IFT52: variants seen among roughly 807,000 people sequenced by gnomAD.
IFT52 encodes intraflagellar transport 52.
Under a neutral mutation model 54.4 loss-of-function variants are expected in IFT52, and 44 were observed. The ratio of observed to expected loss-of-function variants is 0.81; its 90% CI spans 0.63 to 1.04. The LOEUF is 1.04. IFT52 is among the 50% of genes least tolerant of loss of function. The probability of loss-of-function intolerance (pLI) is 0.00; values close to 1 mark genes in which losing one functional copy is unlikely to be tolerated. For missense variants in IFT52, 452 were observed against 523.6 expected, an observed-to-expected ratio of 0.86 and a Z score of 1.33; for synonymous variants, 181 against 185.3, an observed-to-expected ratio of 0.98 and a Z score of 0.19.
intron 13 of IFT52, among the ~76,000 whole-genome samples, chr20:43,642,951 G>A (rs796671433): frequency 6.6e-6 from 1 of 152,052 alleles, no homozygotes; most frequent in Non-Finnish European, 1.5e-5. Context: ...CAGATCACCC[G>A]AGGTCAGGAG....
intron 1 of IFT52, among the ~76,000 whole-genome samples, chr20:43,592,354 T>A (rs867740702): frequency 1.8e-4 from 27 of 151,272 alleles, no homozygotes; most frequent in African/African-American, 5.3e-4. Context: ...AAAAAAGGAA[T>A]GAAGCCCATT....
At chr20:43,598,899 A>G (rs1376195112) in intron 3 of IFT52, among the ~76,000 whole-genome samples, 2 of 152,026 alleles carry the variant, frequency 1.3e-5, no homozygotes, top group African/African-American at 4.8e-5. Flanking sequence ...GGCAAGGCCA[A>G]TGTGGTCCTT....
At chr20:43,604,056 C>A in intron 4 of IFT52, 127 bp from the exon 5 acceptor site, 2 of 962,736 alleles carry the variant, frequency 2.1e-6, no homozygotes, top group Non-Finnish European at 1.6e-6. Context: ...TGGGCTGCTT[C>A]CATTTATAAA....
chr20:43,635,397 T>C (rs576926807), intron 10 of IFT52, among the ~76,000 whole-genome samples: 6 of 152,100 alleles, frequency 3.9e-5, no homozygotes, highest in African/African-American at 1.4e-4. Context: ...TTCAAGCGAT[T>C]TTCCTGCCTC....
intron 12 of IFT52, among the ~76,000 whole-genome samples, chr20:43,637,797 G>A (rs763559998): frequency 6.6e-6 from 1 of 152,178 alleles, no homozygotes. Context: ...AAAGGTCTCA[G>A]CTTTGATCCC....
intron 6 of IFT52, among the ~76,000 whole-genome samples, chr20:43,607,330 G>C (rs1276576843): frequency 1.3e-5 from 2 of 150,888 alleles, no homozygotes; most frequent in African/African-American, 4.9e-5. Flanking sequence ...CCTCCCTCCC[G>C]GACTGGGTGG....
chr20:43,611,366 C>A (rs1240418107), intron 6 of IFT52, among the ~76,000 whole-genome samples: 1 of 149,964 alleles, frequency 6.7e-6, no homozygotes, highest in Middle Eastern at 3.2e-3. Flanking sequence ...TAATCTTATT[C>A]ATTCACATGG....
intron 1 of IFT52, among the ~76,000 whole-genome samples, chr20:43,591,258 A>G (rs1981489541): frequency 6.6e-6 from 1 of 152,234 alleles, no homozygotes; most frequent in Admixed American, 6.5e-5. Flanking sequence ...CGGGTGGTGC[A>G]GGTGTTTAGT....
intron 8 of IFT52, among the ~76,000 whole-genome samples, chr20:43,619,653 G>A (rs535857712): frequency 1.3e-5 from 2 of 152,146 alleles, no homozygotes; most frequent in South Asian, 4.2e-4. Context: ...ACTACTCACT[G>A]ACTGATGTGG....
Position 43,613,953 on chromosome 20 carries a change from A to G in IFT52, c.589A>G (p.Ile197Val), listed in dbSNP as rs1983656370. 3.7e-6 allele frequency: 6 copies of G among 1,613,862 alleles called. No homozygotes were observed. Among genetic ancestry groups the G allele is most frequent in the South Asian group, 3.3e-5 (3 of 91,064 alleles). The change falls in exon 7 of 14, where the codon ATT becomes GTT. Residue 197 changes from isoleucine to valine, a missense_variant. Transcript: ENST00000373030. The part of the protein sequence containing the change: ...GSVCFPLNRP[I>V]LAFYHSKNQG... Reference sequence around the variant, plus strand: ...TGTCTGCTTCCCACTTAACAGACCCATTTTGGCTTTCTATCACTCAAAGGT... The same window carrying G: ...TGTCTGCTTCCCACTTAACAGACCCGTTTTGGCTTTCTATCACTCAAAGGT...
intron 7 of IFT52, 108 bp downstream of exon 7, chr20:43,614,084 C>T: frequency 1.1e-6 from 1 of 946,812 alleles, no homozygotes. Context: ...ACTGGTCTTC[C>T]TGCCAGTCCT....
At position 43,594,815 on chromosome 20, in the gene IFT52, G is replaced by T. The variant is rs202221752; in HGVS notation, c.117G>T (p.Gln39His). The change falls in exon 2 of 14, where the codon CAG becomes CAT. Residue 39 changes from glutamine to histidine, a missense_variant and splice_region_variant. Physicochemically the swap from Gln to His is conservative, Grantham distance 24 (BLOSUM62 0). Coordinates refer to ENST00000373030, the MANE Select transcript of IFT52 (RefSeq NM_016004.5). Reference protein sequence around the residue: ...QKKLRSNWKIQSLKDEITSEK... With the variant: ...QKKLRSNWKIHSLKDEITSEK... Reference sequence around the variant, plus strand: ...AACTTCGGAGTAATTGGAAGATTCAGAGGTGACTGACCATGTATATTGTTT... The same window carrying T: ...AACTTCGGAGTAATTGGAAGATTCATAGGTGACTGACCATGTATATTGTTT... 4.1e-6 allele frequency: 6 copies of T among 1,450,230 alleles called. No homozygotes were observed. In the East Asian group the frequency reaches 1.4e-4, roughly 33 times the overall value. 89.8% of individuals were successfully genotyped at this position (1,450,230 alleles called of 1,614,324 possible). A position where few individuals can be genotyped will look rare whatever the true frequency, so the allele number is the denominator to read the frequency against.
rs1340997195 is a variant in IFT52, at chr20:43,603,014, A to C, written c.208-746A>C. On this transcript the variant is annotated intron_variant, in intron 3 of 13. Coordinates refer to ENST00000373030, the MANE Select transcript of IFT52 (RefSeq NM_016004.5). Reference sequence around the variant, plus strand: ...ATTATAAAGTACATATTTTATATAGAGATACATACATATTGAATGTATTTA... The same window carrying C: ...ATTATAAAGTACATATTTTATATAGCGATACATACATATTGAATGTATTTA... Among the ~76,000 whole-genome samples the C allele has an allele frequency of 2.0e-5, 3 of 152,218 alleles. No homozygotes were observed. The East Asian group carries it at 5.8e-4, about 29-fold the overall frequency.
rs1203090693 is a variant in IFT52 at position 43,607,255 on chromosome 20, C to T, written c.485+2182C>T. ...CTCCCGGACGGGGCGGCTGGCCGGG[C>T]GGGGGGCTGACCCCCCCACCTCCCT... On this transcript the variant is annotated intron_variant, in intron 6 of 13. Coordinates refer to ENST00000373030, the MANE Select transcript of IFT52 (RefSeq NM_016004.5). Among the ~76,000 whole-genome samples the T allele has an allele frequency of 2.5e-3, 352 of 140,788 alleles. 4 individuals are homozygous for T. Among genetic ancestry groups the T allele is most frequent in the African/African-American group, 9.9e-3 (330 of 33,484 alleles). The allele number at this position is 140,788 out of a possible 152,430, so 92.4% of individuals were successfully genotyped here.
rs950008704 is a variant in IFT52 at position 43,611,067 on chromosome 20, G to A, written c.486-2783G>A. On this transcript the variant is annotated intron_variant, in intron 6 of 13. Transcript: ENST00000373030. Reference sequence around the variant, plus strand: ...ACTTTGTAATTAATTATAGTGAAGGGAATATGTCTAGTTGTTCCTTTCCTG... The same window carrying A: ...ACTTTGTAATTAATTATAGTGAAGGAAATATGTCTAGTTGTTCCTTTCCTG... Among the ~76,000 whole-genome samples, 9 of 152,326 alleles carry A rather than the reference G, an allele frequency of 5.9e-5. No homozygotes were observed. The South Asian group carries it at 1.7e-3, about 28-fold the overall frequency.
intron 10 of IFT52, among the ~76,000 whole-genome samples, chr20:43,631,382 C>G (rs998797534): frequency 2.7e-5 from 4 of 149,816 alleles, no homozygotes; most frequent in African/African-American, 1.0e-4. Context: ...CCCCAAGCAC[C>G]TGGAAATAGT....
At chr20:43,626,393 A>T (rs1432724442) in intron 10 of IFT52, among the ~76,000 whole-genome samples, 1 of 151,288 alleles carries the variant, frequency 6.6e-6, no homozygotes, top group Non-Finnish European at 1.5e-5. Context: ...CCTCCTGAGT[A>T]GCACCACCAT....
chr20:43,616,187 G>GT (rs376633966), intron 7 of IFT52, among the ~76,000 whole-genome samples: 125 of 152,012 alleles, frequency 8.2e-4, no homozygotes, highest in African/African-American at 2.9e-3. Flanking sequence ...TATTGAACTG[G>GT]TTTTCTCATT....
rs942089567 is a variant in IFT52, at chr20:43,636,021, G to C, written c.1011+8G>C. ...CCAACCCTTCAGCCTGCGGTGAGTA[G>C]GTGTGCTTGGGAGATCCCACTGCAG... On this transcript the variant is annotated splice_region_variant and intron_variant, in intron 11 of 13. Coordinates refer to ENST00000373030, the MANE Select transcript of IFT52 (RefSeq NM_016004.5). 6.2e-7 allele frequency: 1 copy of C among 1,613,524 alleles called. No individual in the cohort carries two copies. Among genetic ancestry groups the C allele is most frequent in the Non-Finnish European group, 8.5e-7 (1 of 1,179,644 alleles).
Sources: allele counts gnomAD v4.1 joint callset (sites outside exome capture counted in the v4.1 genomes callset), GRCh38; gene constraint gnomAD v4.1.1; transcripts MANE v1.5; gene names NCBI Gene and HGNC (gene_info 2026-07-23, HGNC 2026-07-21).